Variants in AKAP19 observed in about 807,000 individuals in gnomAD.
AKAP19 encodes small A-kinase anchoring protein.
chr2:189,933,546 T>C, the AKAP19 span, among the ~76,000 whole-genome samples: 1 of 152,136 alleles, frequency 6.6e-6, no homozygotes. Context: ...TTGTCTTCTG[T>C]GGAAAAATAT....
At chr2:190,184,373 A>G in the AKAP19 span, among the ~76,000 whole-genome samples, 1 of 152,230 alleles carries the variant, frequency 6.6e-6, no homozygotes, top group African/African-American at 2.4e-5. Context: ...ACAGCCTGCA[A>G]GAGGCAGAAC....
At chr2:189,897,317 C>T in the AKAP19 span, among the ~76,000 whole-genome samples, 2 of 152,118 alleles carry the variant, frequency 1.3e-5, no homozygotes, top group Admixed American at 6.5e-5. Context: ...TTTTGGTAAG[C>T]TATTCATCAT....
At chr2:190,199,560 G>GT in the AKAP19 span, 3 of 314,188 alleles carry the variant, frequency 9.5e-6, no homozygotes, top group Non-Finnish European at 1.6e-5. Flanking sequence ...TTCTTCTACT[G>GT]ATAAGATAAA....
chr2:190,082,756 A>G, the AKAP19 span, among the ~76,000 whole-genome samples: 1 of 152,238 alleles, frequency 6.6e-6, no homozygotes, highest in Non-Finnish European at 1.5e-5. Context: ...TTAACTTATC[A>G]AAGACTAAAC....
At chr2:190,017,134 A>AT in the AKAP19 span, among the ~76,000 whole-genome samples, 1 of 151,880 alleles carries the variant, frequency 6.6e-6, no homozygotes, top group Non-Finnish European at 1.5e-5. Flanking sequence ...TGCTTATAAT[A>AT]TTTTTTTCCT....
At chr2:189,889,928 G>C in the AKAP19 span, among the ~76,000 whole-genome samples, 1 of 152,104 alleles carries the variant, frequency 6.6e-6, no homozygotes, top group Non-Finnish European at 1.5e-5. Flanking sequence ...ATCTCCTTCA[G>C]TTCTGCTGTG....
the AKAP19 span, among the ~76,000 whole-genome samples, chr2:190,107,003 G>C: frequency 1.1e-4 from 16 of 152,320 alleles, no homozygotes; most frequent in East Asian, 3.9e-4. Context: ...CTTGAAATTA[G>C]AGACTGCCAA....
the AKAP19 span, among the ~76,000 whole-genome samples, chr2:189,907,866 T>C: frequency 6.6e-6 from 1 of 152,300 alleles, no homozygotes; most frequent in African/African-American, 2.4e-5. Flanking sequence ...GTTCATAGTA[T>C]TCTCTTAGAA....
chr2:190,025,559 A>C, the AKAP19 span, among the ~76,000 whole-genome samples: 2 of 152,214 alleles, frequency 1.3e-5, no homozygotes, highest in East Asian at 3.9e-4. Flanking sequence ...ATCCCTTTGT[A>C]ATAAAGCTCT....
At chr2:190,086,865 G>T in the AKAP19 span, among the ~76,000 whole-genome samples, 1 of 152,174 alleles carries the variant, frequency 6.6e-6, no homozygotes, top group Non-Finnish European at 1.5e-5. Flanking sequence ...AGCGAATACA[G>T]TAATCCCTTT....
chr2:190,179,064 GTAGAACTGAATAATT>G, the AKAP19 span, among the ~76,000 whole-genome samples: 1 of 152,220 alleles, frequency 6.6e-6, no homozygotes, highest in Non-Finnish European at 1.5e-5. The surrounding 1 kb of genome is among the most constrained non-coding windows in gnomAD (Gnocchi z 6.0). Context: ...CCTGAAATAT[GTAGAACTGAATAATT>G]TGTTTTATGT....
the AKAP19 span, chr2:189,930,676 CAA>C: frequency 0.67 from 209,311 of 314,658 alleles, 60,287 homozygotes; most frequent in Middle Eastern, 0.76. Flanking sequence ...AACTCCCTCT[CAA>C]AAAAAAAAAA....
chr2:190,038,910 C>CTTTCTTTCT, the AKAP19 span, among the ~76,000 whole-genome samples: 77 of 105,182 alleles, frequency 7.3e-4, no homozygotes, highest in African/African-American at 4.2e-3. Flanking sequence ...CTTTCTTCTT[C>CTTTCTTTCT]TTCTTCTTCT....
chr2:190,158,630 GA>G, the AKAP19 span, among the ~76,000 whole-genome samples: 1 of 151,548 alleles, frequency 6.6e-6, no homozygotes, highest in Non-Finnish European at 1.5e-5. Context: ...TCATTTAAGA[GA>G]TTTTTTTCTT....
At chr2:190,033,749 T>C in the AKAP19 span, among the ~76,000 whole-genome samples, 2 of 152,224 alleles carry the variant, frequency 1.3e-5, no homozygotes, top group African/African-American at 2.4e-5. Context: ...TAGTGCTGTC[T>C]TGTCTACCTG....
the AKAP19 span, among the ~76,000 whole-genome samples, chr2:189,921,884 C>A: frequency 1.0e-3 from 158 of 152,276 alleles, 1 homozygote; most frequent in Admixed American, 7.8e-3. Flanking sequence ...ATGCAAAGTA[C>A]TGACTGGGTT....
the AKAP19 span, among the ~76,000 whole-genome samples, chr2:190,061,273 C>T: frequency 3.3e-5 from 5 of 151,954 alleles, no homozygotes; most frequent in African/African-American, 1.2e-4. Flanking sequence ...TGTATTAAAG[C>T]AAGATAACAG....
At chr2:189,993,293 C>A in the AKAP19 span, among the ~76,000 whole-genome samples, 1 of 152,076 alleles carries the variant, frequency 6.6e-6, no homozygotes, top group Non-Finnish European at 1.5e-5. Context: ...GTTTTTAATT[C>A]TGTTTATGTG....
At chr2:190,158,213 G>A in the AKAP19 span, among the ~76,000 whole-genome samples, 1 of 152,166 alleles carries the variant, frequency 6.6e-6, no homozygotes, top group African/African-American at 2.4e-5. Flanking sequence ...TGTGCACTCG[G>A]GGAGCTCGGA....
Sources: gnomAD v4.1 joint callset for allele counts (sites outside exome capture counted in the v4.1 genomes callset) on GRCh38, gnomAD v4.1.1 for gene constraint, Gnocchi (gnomAD v3.1) non-coding constraint, MANE v1.5 for transcripts, NCBI Gene and HGNC (gene_info 2026-07-23, HGNC 2026-07-21) for gene names.